Variants in TMTC2 observed in about 807,000 individuals in gnomAD.
TMTC2 encodes transmembrane O-mannosyltransferase targeting cadherins 2.
Under a neutral mutation model 82.4 loss-of-function variants are expected in TMTC2, and 43 were observed. The ratio of observed to expected loss-of-function variants is 0.52; its 90% CI spans 0.41 to 0.67. The LOEUF is 0.67. Ranked by LOEUF, TMTC2 falls within the 30% of genes least tolerant of loss-of-function variation. TMTC2 has a pLI of 0.00. For missense variants in TMTC2, 919 were observed against 1,012.4 expected (o/e 0.91, Z 1.25); for synonymous variants, 408 against 381.9 (o/e 1.07, Z -0.80).
intron 1 of TMTC2, among the ~76,000 whole-genome samples, chr12:82,694,294 G>T (rs1189777569): frequency 6.6e-6 from 1 of 151,134 alleles, no homozygotes; most frequent in Non-Finnish European, 1.5e-5. Flanking sequence ...ATTTATTCAT[G>T]TCTAAAAAAA....
At chr12:82,756,923 GTAA>G (rs1876361350) in intron 1 of TMTC2, among the ~76,000 whole-genome samples, 1 of 152,030 alleles carries the variant, frequency 6.6e-6, no homozygotes, top group South Asian at 2.1e-4. Flanking sequence ...TGCTCTAGTG[GTAA>G]TAATACAAAT....
At chr12:82,830,414 T>C (rs1172824213) in intron 1 of TMTC2, among the ~76,000 whole-genome samples, 8 of 152,088 alleles carry the variant, frequency 5.3e-5, no homozygotes, top group Non-Finnish European at 1.2e-4. Flanking sequence ...TCTTGCTGTT[T>C]AGTGTGAGAA....
chr12:82,813,863 G>C (rs985893898), intron 1 of TMTC2, among the ~76,000 whole-genome samples: 1 of 152,064 alleles, frequency 6.6e-6, no homozygotes, highest in African/African-American at 2.4e-5. Flanking sequence ...GTAGGTGCTG[G>C]TAGAAAGTGG....
intron 1 of TMTC2, among the ~76,000 whole-genome samples, chr12:82,821,713 A>G (rs1869120353): frequency 6.6e-6 from 1 of 152,036 alleles, no homozygotes; most frequent in Non-Finnish European, 1.5e-5. Context: ...TCTACTAAAA[A>G]TACAAAAAAA....
intron 4 of TMTC2, among the ~76,000 whole-genome samples, chr12:82,934,897 T>G (rs1876235454): frequency 6.6e-6 from 1 of 152,198 alleles, no homozygotes; most frequent in African/African-American, 2.4e-5. Flanking sequence ...TTCCTGACTT[T>G]TTAATGATCG....
chr12:82,894,598 C>T (rs1873563272), intron 2 of TMTC2, among the ~76,000 whole-genome samples: 2 of 152,044 alleles, frequency 1.3e-5, no homozygotes, highest in Middle Eastern at 3.2e-3. Flanking sequence ...ACCATTGAAC[C>T]ATTAAGGTTG....
chr12:82,694,391 A>G (rs1183909076), intron 1 of TMTC2, among the ~76,000 whole-genome samples: 1 of 152,180 alleles, frequency 6.6e-6, no homozygotes, highest in Non-Finnish European at 1.5e-5. Context: ...TTAAAGATAT[A>G]TTTACTTTTC....
intron 3 of TMTC2, among the ~76,000 whole-genome samples, chr12:82,921,913 C>A (rs980659797): frequency 6.7e-6 from 1 of 149,574 alleles, no homozygotes; most frequent in Non-Finnish European, 1.5e-5. Flanking sequence ...GCCTGGGCAA[C>A]ATAGTGAGAC....
chr12:82,881,329 G>A (rs570998582), intron 2 of TMTC2, among the ~76,000 whole-genome samples: 47 of 152,236 alleles, frequency 3.1e-4, no homozygotes, highest in Middle Eastern at 3.4e-3. Flanking sequence ...AAATCTTACC[G>A]TGAATTTGTG....
intron 1 of TMTC2, among the ~76,000 whole-genome samples, chr12:82,714,072 A>G (rs11115355): frequency 0.83 from 126,597 of 152,224 alleles, 53,032 homozygotes; most frequent in Non-Finnish European, 0.88. Context: ...TGATTTCACT[A>G]AAGTTACACA....
chr12:82,831,560 T>C (rs1369864823), intron 1 of TMTC2, among the ~76,000 whole-genome samples: 2 of 152,124 alleles, frequency 1.3e-5, no homozygotes, highest in Non-Finnish European at 2.9e-5. Context: ...CATGATTGTT[T>C]TGGGAGGTTT....
chr12:82,986,747 A>G (rs1879169918), intron 8 of TMTC2, among the ~76,000 whole-genome samples: 1 of 152,238 alleles, frequency 6.6e-6, no homozygotes, highest in Non-Finnish European at 1.5e-5. Context: ...TGACATGAGT[A>G]TGGAGCATAA....
intron 8 of TMTC2, among the ~76,000 whole-genome samples, chr12:83,029,644 C>CA (rs1881341353): frequency 6.6e-6 from 1 of 152,174 alleles, no homozygotes; most frequent in Non-Finnish European, 1.5e-5. Context: ...TACTACCCTT[C>CA]ATAGTCACCA....
In TMTC2 at chr12:82,857,587, G is replaced by T; in HGVS notation, c.654+7G>T. 6.3e-7 allele frequency: 1 copy of T among 1,590,288 alleles called. No homozygotes were observed. The highest frequency in any genetic ancestry group is 1.2e-5 in the South Asian group (1 of 86,426). On this transcript the variant is annotated splice_region_variant and intron_variant, in intron 2 of 11. Transcript: ENST00000321196. ...ATTACCTACCATTTACAAAGTAAGT[G>T]ATTGTTGGCTCTTGAGCATTGGATT...
At chr12:83,017,074 T>C (rs1326167140) in intron 8 of TMTC2, among the ~76,000 whole-genome samples, 3 of 152,196 alleles carry the variant, frequency 2.0e-5, no homozygotes, top group African/African-American at 7.2e-5. Flanking sequence ...GAAACTTAAT[T>C]ATGCCTAGCA....
chr12:82,851,304 C>T (rs1870964025), intron 1 of TMTC2, among the ~76,000 whole-genome samples: 1 of 151,954 alleles, frequency 6.6e-6, no homozygotes, highest in Admixed American at 6.6e-5. Context: ...GTGGTGGGCA[C>T]CTGTAATCCC....
chr12:83,109,609 T>C (rs1020505556), intron 11 of TMTC2, among the ~76,000 whole-genome samples: 2 of 152,180 alleles, frequency 1.3e-5, no homozygotes, highest in African/African-American at 4.8e-5. Context: ...CCCAAATGCA[T>C]CAGCCACACC....
chr12:82,802,506 C>T (rs1043985677), intron 1 of TMTC2, among the ~76,000 whole-genome samples: 1 of 152,190 alleles, frequency 6.6e-6, no homozygotes, highest in Non-Finnish European at 1.5e-5. Context: ...ACGCTGTCAC[C>T]TCTCACTTCT....
intron 1 of TMTC2, among the ~76,000 whole-genome samples, chr12:82,739,211 A>ATC (rs1875275440): frequency 6.6e-6 from 1 of 152,104 alleles, no homozygotes; most frequent in African/African-American, 2.4e-5. Context: ...CTATGAATGA[A>ATC]TATGGCAGTG....
Sources: gnomAD v4.1 joint callset for allele counts (sites outside exome capture counted in the v4.1 genomes callset) on GRCh38, gnomAD v4.1.1 for gene constraint, MANE v1.5 for transcripts, NCBI Gene and HGNC (gene_info 2026-07-23, HGNC 2026-07-21) for gene names.